Variants in DLC1 observed in about 807,000 individuals in gnomAD.
DLC1 encodes DLC1 Rho GTPase activating protein, also known as rho GTPase-activating protein 7.
In DLC1, 54 loss-of-function variants were observed where a neutral mutation model predicts 140.3. The observed-to-expected ratio is 0.38, with a 90% CI of 0.31 to 0.48. DLC1 has a LOEUF of 0.48. DLC1 is among the 20% of genes least tolerant of loss of function. The pLI, the probability that DLC1 is intolerant of heterozygous loss-of-function variation, is 0.96. For missense variants in DLC1, 2,536 were observed against 1,907.0 expected, an observed-to-expected ratio of 1.33 and a Z score of -6.14; for synonymous variants, 986 against 728.1, an observed-to-expected ratio of 1.35 and a Z score of -5.70.
intron 4 of DLC1, among the ~76,000 whole-genome samples, chr8:13,380,481 T>G (rs574735936): frequency 2.0e-5 from 3 of 152,342 alleles, no homozygotes; most frequent in African/African-American, 7.2e-5. Flanking sequence ...AAACTCTGCT[T>G]TTATCAGGAC....
At chr8:13,395,125 CT>C (rs58892759) in intron 3 of DLC1, among the ~76,000 whole-genome samples, 24,556 of 144,204 alleles carry the variant, frequency 0.17, 2,108 homozygotes, top group South Asian at 0.25. Context: ...CTTTATAATT[CT>C]TTTTTTTTTT....
intron 5 of DLC1, among the ~76,000 whole-genome samples, chr8:13,190,136 A>G (rs1344089974): frequency 6.6e-6 from 1 of 152,204 alleles, no homozygotes; most frequent in Non-Finnish European, 1.5e-5. Context: ...CAGGTAAACG[A>G]TGTAAAGACT....
chr8:13,120,588 A>G (rs1820978710), intron 5 of DLC1, among the ~76,000 whole-genome samples: 1 of 151,838 alleles, frequency 6.6e-6, no homozygotes. Flanking sequence ...TTTTTTTAAA[A>G]AACATTCCCC....
At chr8:13,137,624 G>C (rs574377635) in intron 5 of DLC1, among the ~76,000 whole-genome samples, 4 of 139,554 alleles carry the variant, frequency 2.9e-5, no homozygotes, top group Admixed American at 1.4e-4. Flanking sequence ...TTTTTGAGAT[G>C]GAGTTTCACT....
At chr8:13,306,555 T>C (rs1480958467) in intron 4 of DLC1, among the ~76,000 whole-genome samples, 1 of 137,540 alleles carries the variant, frequency 7.3e-6, no homozygotes, top group African/African-American at 2.6e-5. Flanking sequence ...TGTGTGTGTG[T>C]GTTTGTGTGT....
At chr8:13,289,340 G>C (rs1396371365) in intron 5 of DLC1, among the ~76,000 whole-genome samples, 1 of 152,252 alleles carries the variant, frequency 6.6e-6, no homozygotes, top group African/African-American at 2.4e-5. Flanking sequence ...ACAGGGGTGT[G>C]CCTTTGCACC....
intron 5 of DLC1, among the ~76,000 whole-genome samples, chr8:13,253,076 T>G (rs1428864129): frequency 1.3e-5 from 2 of 152,268 alleles, no homozygotes; most frequent in Middle Eastern, 6.8e-3. Context: ...TCCCCAAAAC[T>G]TGCAATAACA....
chr8:13,285,210 T>C (rs536780509), intron 5 of DLC1, among the ~76,000 whole-genome samples: 21 of 152,280 alleles, frequency 1.4e-4, no homozygotes, highest in African/African-American at 4.8e-4. Context: ...AGAACCAAGA[T>C]TCCAGAAGTA....
Position 13,499,620 on chromosome 8 carries a change from A to G in DLC1, c.452T>C (p.Leu151Pro). ...AACTTGGTTACTTTGTATGATGGGC[A>G]GTGCCTTTTCTAAGGAGCCTGCTCC... ...IQGAGSLEKA[L>P]PIIQSNQVSS... The change falls in exon 2 of 18, where the codon CTG (leucine) becomes CCG (proline). Residue 151 changes from leucine to proline, a missense_variant. By Grantham distance (98) the Leu-to-Pro change is moderately conservative. Coordinates refer to ENST00000276297, the MANE Select transcript of DLC1 (RefSeq NM_182643.3). 1 of 1,614,162 alleles carries G rather than the reference A, an allele frequency of 6.2e-7. No homozygotes were observed. The highest frequency in any genetic ancestry group is 8.5e-7 in the Non-Finnish European group (1 of 1,180,012).
chr8:13,384,935 C>T (rs1586249243), intron 4 of DLC1, among the ~76,000 whole-genome samples: 1 of 151,878 alleles, frequency 6.6e-6, no homozygotes, highest in Non-Finnish European at 1.5e-5. Context: ...AAAAAATTGT[C>T]AACATTTTCC....
At chr8:13,331,832 A>T (rs561091747) in intron 4 of DLC1, among the ~76,000 whole-genome samples, 86 of 152,326 alleles carry the variant, frequency 5.6e-4, no homozygotes, top group African/African-American at 2.0e-3. Context: ...TAAAATATTG[A>T]TATTGGCACT....
intron 4 of DLC1, among the ~76,000 whole-genome samples, chr8:13,364,902 T>C (rs78438889): frequency 0.063 from 9,521 of 152,312 alleles, 376 homozygotes; most frequent in Non-Finnish European, 0.086. Flanking sequence ...TTTGAGTTTA[T>C]TAAAATATAA....
chr8:13,434,591 A>C (rs1839034198), intron 2 of DLC1, among the ~76,000 whole-genome samples: 1 of 152,214 alleles, frequency 6.6e-6, no homozygotes, highest in Admixed American at 6.5e-5. Flanking sequence ...GTGACTTACA[A>C]GGAAATTCAC....
chr8:13,108,646 C>T (rs930197484), intron 7 of DLC1, among the ~76,000 whole-genome samples: 2 of 152,098 alleles, frequency 1.3e-5, no homozygotes, highest in African/African-American at 4.8e-5. Context: ...TTTTATGACC[C>T]AAGAATTCCT....
At chr8:13,349,719 G>A (rs1034450238) in intron 4 of DLC1, among the ~76,000 whole-genome samples, 2 of 152,188 alleles carry the variant, frequency 1.3e-5, no homozygotes, top group Non-Finnish European at 2.9e-5. Context: ...AGGTAAGGAG[G>A]GTAAACGAAA....
intron 10 of DLC1, chr8:13,095,917 G>A (rs1479620765): frequency 6.6e-6 from 1 of 152,308 alleles, no homozygotes; most frequent in African/African-American, 2.4e-5. Context: ...ATGACCCGGA[G>A]AACATTACAT....
chr8:13,425,122 T>TA (rs565899163), intron 2 of DLC1, among the ~76,000 whole-genome samples: 3,647 of 140,086 alleles, frequency 0.026, 97 homozygotes, highest in African/African-American at 0.07. Flanking sequence ...CAATGTGCAG[T>TA]AAAAAAAAAA....
chr8:13,345,102 C>T (rs1335976592), intron 4 of DLC1, among the ~76,000 whole-genome samples: 6 of 151,964 alleles, frequency 3.9e-5, no homozygotes, highest in African/African-American at 4.8e-5. Flanking sequence ...ATTTTGCAGA[C>T]GAGGATTGTA....
At chr8:13,540,396 A>T (rs531167064) in intron 1 of DLC1, among the ~76,000 whole-genome samples, 3 of 152,250 alleles carry the variant, frequency 2.0e-5, no homozygotes, top group Admixed American at 2.0e-4. Context: ...TTCTTAATGG[A>T]TTATTTTTGT....
Sources: gnomAD v4.1 joint callset for allele counts (sites outside exome capture counted in the v4.1 genomes callset) on GRCh38, gnomAD v4.1.1 for gene constraint, MANE v1.5 for transcripts, NCBI Gene and HGNC (gene_info 2026-07-23, HGNC 2026-07-21) for gene names.